SORBS2: variants seen among roughly 807,000 people sequenced by gnomAD.
SORBS2 encodes the protein sorbin and SH3 domain containing 2.
A neutral mutation model predicts 97.7 loss-of-function variants in SORBS2; 46 were observed. The ratio of observed to expected loss-of-function variants is 0.47; its 90% confidence interval spans 0.37 to 0.60. The LOEUF (loss-of-function observed/expected upper bound fraction) is 0.60, where lower values mean the gene tolerates loss of function less well. Ranked by LOEUF, SORBS2 falls within the 20% of genes least tolerant of loss-of-function variation. The pLI, the probability that SORBS2 is intolerant of heterozygous loss-of-function variation, is 0.00. For missense variants in SORBS2, 1,316 were observed against 1,282.3 expected (o/e 1.03, Z -0.40); for synonymous variants, 476 against 473.4 (o/e 1.01, Z -0.07).
intron 14 of SORBS2, chr4:185,587,941 C>A: frequency 2.4e-6 from 1 of 416,450 alleles, no homozygotes; most frequent in East Asian, 4.6e-5. Flanking sequence ...AAATGCTGAG[C>A]CTCCCAAGCT....
At chr4:185,661,377 A>G (rs959984), upstream of SORBS2, among the ~76,000 whole-genome samples, 144,614 of 152,262 alleles carry the variant, frequency 0.95, 68,710 homozygotes, top group African/African-American at 0.97. Context: ...AGCTTCTTTC[A>G]CAGGAGGCCA....
At chr4:185,887,161 T>C (rs1247912962) in intron 1 of SORBS2, among the ~76,000 whole-genome samples, 1 of 152,194 alleles carries the variant, frequency 6.6e-6, no homozygotes, top group Non-Finnish European at 1.5e-5. Flanking sequence ...ATAATAAACT[T>C]GGCTGTTGAG....
At chr4:185,633,605 A>C (rs972117749) in intron 4 of SORBS2, among the ~76,000 whole-genome samples, 1 of 152,110 alleles carries the variant, frequency 6.6e-6, no homozygotes, top group Non-Finnish European at 1.5e-5. Context: ...GTTAACAAGA[A>C]ATAATATTAA....
chr4:185,717,913 C>G (rs1016428987), intron 2 of SORBS2, among the ~76,000 whole-genome samples: 3 of 152,212 alleles, frequency 2.0e-5, no homozygotes, highest in African/African-American at 7.2e-5. Context: ...TTACAGTAAG[C>G]ACTTGATAGG....
At chr4:185,593,776 T>C in intron 13 of SORBS2, 110 bp downstream of exon 25, 2 of 733,032 alleles carry the variant, frequency 2.7e-6, no homozygotes, top group South Asian at 3.2e-5. Context: ...AGAGGCCTCA[T>C]GTTAGTTTGA....
chr4:185,842,109 A>G (rs2099211904), intron 1 of SORBS2, among the ~76,000 whole-genome samples: 2 of 152,204 alleles, frequency 1.3e-5, no homozygotes, highest in African/African-American at 4.8e-5. Context: ...CTAATAATTA[A>G]ATAATGTCAT....
intron 1 of SORBS2, among the ~76,000 whole-genome samples, chr4:185,923,823 T>A (rs1320013583): frequency 6.6e-6 from 1 of 152,156 alleles, no homozygotes; most frequent in Non-Finnish European, 1.5e-5. Flanking sequence ...TAAAAAAAAA[T>A]TCTGAAATTT....
intron 2 of SORBS2, among the ~76,000 whole-genome samples, chr4:185,750,028 A>G (rs564306933): frequency 6.6e-6 from 1 of 152,338 alleles, no homozygotes; most frequent in Admixed American, 6.5e-5. Context: ...ACTTACGTGG[A>G]TATGTGCAAA....
rs527653880 is a variant in SORBS2 at position 185,625,080 on chromosome 4, T to C, written c.635-586A>G. Among the ~76,000 whole-genome samples the C allele has an allele frequency of 7.9e-5, 12 of 152,340 alleles. No individual in the cohort carries two copies. The South Asian group carries it at 1.7e-3, about 21-fold the overall frequency. On this transcript the variant is annotated intron_variant, in intron 6 of 14. Transcript: ENST00000418609. ...ATTCTCCAAAATTGCAAAATCAAAA[T>C]GCTGTGAACTATTGCTGCTAACATT...
chr4:185,658,388 C>T (rs2153470626), upstream of SORBS2, among the ~76,000 whole-genome samples: 1 of 139,156 alleles, frequency 7.2e-6, no homozygotes, highest in South Asian at 2.5e-4. Context: ...GTATATAGTC[C>T]ATTTACTTCT....
chr4:185,662,195 C>T, exon 5 of SORBS2: 1 of 1,613,890 alleles, frequency 6.2e-7, no homozygotes, highest in Non-Finnish European at 8.5e-7. Flanking sequence ...GATAGTAACT[C>T]ATGGGACTCA....
intron 2 of SORBS2, among the ~76,000 whole-genome samples, chr4:185,767,446 G>A (rs2098941825): frequency 7.3e-6 from 1 of 136,854 alleles, no homozygotes; most frequent in Admixed American, 8.1e-5. Context: ...CTTGCAGTGA[G>A]CCGAGATCGC....
intron 2 of SORBS2, among the ~76,000 whole-genome samples, chr4:185,744,697 A>C (rs1381488841): frequency 6.6e-6 from 1 of 152,360 alleles, no homozygotes; most frequent in Admixed American, 6.5e-5. Flanking sequence ...TGAACTGACA[A>C]TGTCCAAGTC....
chr4:185,595,921 A>G (rs2096074785), intron 12 of SORBS2, among the ~76,000 whole-genome samples: 2 of 152,202 alleles, frequency 1.3e-5, no homozygotes, highest in East Asian at 1.9e-4. Flanking sequence ...GAGAATGTAC[A>G]TGTTAGTCAC....
chr4:185,724,556 G>C (rs2098542287), intron 2 of SORBS2, among the ~76,000 whole-genome samples: 1 of 152,058 alleles, frequency 6.6e-6, no homozygotes, highest in African/African-American at 2.4e-5. Context: ...TTATATTGTT[G>C]CCTGAGGACT....
intron 2 of SORBS2, among the ~76,000 whole-genome samples, chr4:185,714,351 T>C (rs2098447665): frequency 6.6e-6 from 1 of 152,246 alleles, no homozygotes; most frequent in South Asian, 2.1e-4. Flanking sequence ...ACTTGGTCTA[T>C]ACCAGGTTTA....
intron 1 of SORBS2, among the ~76,000 whole-genome samples, chr4:185,942,275 C>T (rs1362299411): frequency 3.3e-5 from 5 of 152,146 alleles, no homozygotes; most frequent in African/African-American, 1.2e-4. Flanking sequence ...CCCCATAGCC[C>T]ACTTAGGAAA....
chr4:185,615,126 G>A (rs775545419), exon 10 of SORBS2: 4 of 1,612,764 alleles, frequency 2.5e-6, no homozygotes, highest in Non-Finnish European at 3.4e-6. Context: ...TCCTGAGGAT[G>A]TAGACAGTAT....
At chr4:185,724,476 A>G (rs1482564025) in intron 2 of SORBS2, among the ~76,000 whole-genome samples, 1 of 152,112 alleles carries the variant, frequency 6.6e-6, no homozygotes, top group Non-Finnish European at 1.5e-5. Flanking sequence ...ACCGGTGATG[A>G]GACTGAGTTT....
Sources: gnomAD v4.1 joint callset for allele counts (sites outside exome capture counted in the v4.1 genomes callset) on GRCh38, gnomAD v4.1.1 for gene constraint, MANE v1.5 for transcripts, NCBI Gene and HGNC (gene_info 2026-07-23, HGNC 2026-07-21) for gene names.